TMTC2: variants seen among roughly 807,000 people sequenced by gnomAD.
The protein encoded by TMTC2 is protein O-mannosyl-transferase TMTC2.
In TMTC2, 43 loss-of-function variants were observed where a neutral mutation model predicts 82.4. That is an observed-to-expected ratio of 0.52 (90% confidence interval 0.41 to 0.67). The LOEUF is 0.67. Among genes scored for constraint, TMTC2 ranks in the 30% least tolerant of loss-of-function variants. The pLI is 0.00. For synonymous variants in TMTC2, 408 were observed against 381.9 expected, an observed-to-expected ratio of 1.07 and a Z score of -0.80; for missense variants, 919 against 1,012.4, an observed-to-expected ratio of 0.91 and a Z score of 1.25.
At chr12:83,045,727 G>GCACACACACACACACACACACA (rs71068972) in intron 9 of TMTC2, among the ~76,000 whole-genome samples, 15 of 142,450 alleles carry the variant, frequency 1.1e-4, no homozygotes, top group Non-Finnish European at 3.0e-5. Flanking sequence ...ACACACACAC[G>GCACACACACACACACACACACA]CACACACACA....
At chr12:82,776,242 T>C (rs991566253) in intron 1 of TMTC2, among the ~76,000 whole-genome samples, 1 of 152,122 alleles carries the variant, frequency 6.6e-6, no homozygotes, top group Non-Finnish European at 1.5e-5. Context: ...CTAAATGTAA[T>C]GTAGCATGAA....
chr12:83,007,421 C>G (rs573945969), intron 8 of TMTC2, among the ~76,000 whole-genome samples: 1 of 151,972 alleles, frequency 6.6e-6, no homozygotes, highest in Non-Finnish European at 1.5e-5. Flanking sequence ...TATTTCCTCT[C>G]CTAGTGTATC....
chr12:83,023,015 G>T (rs943348846), intron 8 of TMTC2, among the ~76,000 whole-genome samples: 1 of 152,146 alleles, frequency 6.6e-6, no homozygotes, highest in African/African-American at 2.4e-5. Context: ...CAACTTCTTT[G>T]TATTTAAAGG....
At chr12:82,711,926 G>T (rs557842047) in intron 1 of TMTC2, among the ~76,000 whole-genome samples, 5 of 152,314 alleles carry the variant, frequency 3.3e-5, no homozygotes. Context: ...CTCTTAGAGA[G>T]AAGTGAATTC....
intron 2 of TMTC2, among the ~76,000 whole-genome samples, chr12:82,875,052 G>A (rs1185971490): frequency 6.6e-6 from 1 of 152,136 alleles, no homozygotes; most frequent in Non-Finnish European, 1.5e-5. Context: ...GCCATATGGA[G>A]TTTACTACAA....
intron 7 of TMTC2, among the ~76,000 whole-genome samples, chr12:82,973,535 T>G (rs895730205): frequency 1.3e-5 from 2 of 152,148 alleles, no homozygotes; most frequent in African/African-American, 4.8e-5. Flanking sequence ...AAACTATAAT[T>G]TTTTCTCCTA....
chr12:83,041,545 A>C (rs1311112074), intron 9 of TMTC2, among the ~76,000 whole-genome samples: 1 of 152,194 alleles, frequency 6.6e-6, no homozygotes, highest in Non-Finnish European at 1.5e-5. Context: ...ATATGAAAAA[A>C]ATTTTGAATA....
At chr12:83,120,702 T>C (rs1156488581) in intron 11 of TMTC2, among the ~76,000 whole-genome samples, 1 of 152,230 alleles carries the variant, frequency 6.6e-6, no homozygotes, top group Non-Finnish European at 1.5e-5. Context: ...CTAGGGTCTC[T>C]AGCAAGGCCA....
chr12:82,696,906 T>A (rs1565711973), intron 1 of TMTC2, among the ~76,000 whole-genome samples: 1 of 151,378 alleles, frequency 6.6e-6, no homozygotes, highest in African/African-American at 2.4e-5. Context: ...TAGAAGCATC[T>A]CCCTAAAGGG....
intron 3 of TMTC2, 47 bp downstream of exon 3, chr12:82,896,693 C>A (rs1237527343): frequency 6.2e-6 from 9 of 1,443,448 alleles, no homozygotes; most frequent in Non-Finnish European, 6.6e-6. Flanking sequence ...ACACTTTCAG[C>A]CTCTTTATAT....
At chr12:83,001,055 T>C (rs1879897527) in intron 8 of TMTC2, among the ~76,000 whole-genome samples, 1 of 152,038 alleles carries the variant, frequency 6.6e-6, no homozygotes, top group Admixed American at 6.5e-5. Context: ...ACAAAACCAC[T>C]TTTTCCTTCT....
At chr12:82,781,033 C>T (rs1877878603) in intron 1 of TMTC2, among the ~76,000 whole-genome samples, 1 of 151,944 alleles carries the variant, frequency 6.6e-6, no homozygotes, top group African/African-American at 2.4e-5. Context: ...AAAAATGTTG[C>T]TTTTGCAGTT....
intron 1 of TMTC2, among the ~76,000 whole-genome samples, chr12:82,703,010 T>A: frequency 6.8e-6 from 1 of 146,212 alleles, no homozygotes; most frequent in Non-Finnish European, 1.5e-5. Context: ...AGATTCTGTC[T>A]CAAAATAAAT....
At chr12:83,076,480 T>C (rs1883286392) in intron 11 of TMTC2, among the ~76,000 whole-genome samples, 2 of 152,214 alleles carry the variant, frequency 1.3e-5, no homozygotes, top group South Asian at 4.1e-4. Flanking sequence ...AAAATTACAG[T>C]TAGTCTCTAC....
intron 2 of TMTC2, among the ~76,000 whole-genome samples, chr12:82,878,286 A>C (rs1872677235): frequency 6.6e-6 from 1 of 152,204 alleles, no homozygotes; most frequent in Non-Finnish European, 1.5e-5. Context: ...GTGTGAGATA[A>C]TAAGATTAAG....
At chr12:83,071,422 G>A (rs757961247) in intron 11 of TMTC2, among the ~76,000 whole-genome samples, 1 of 152,132 alleles carries the variant, frequency 6.6e-6, no homozygotes, top group Non-Finnish European at 1.5e-5. Context: ...CTCCCAAAGT[G>A]CTGGGATTAC....
chr12:82,729,657 C>A (rs1874663577), intron 1 of TMTC2, among the ~76,000 whole-genome samples: 1 of 152,152 alleles, frequency 6.6e-6, no homozygotes, highest in Admixed American at 6.5e-5. Context: ...GTAAAACAGA[C>A]CAATTGGCTC....
intron 3 of TMTC2, among the ~76,000 whole-genome samples, chr12:82,907,324 G>A (rs562380442): frequency 3.9e-5 from 6 of 151,950 alleles, no homozygotes; most frequent in South Asian, 2.1e-4. Context: ...TTAGCTGGGC[G>A]TGGTGGTGCG....
intron 11 of TMTC2, among the ~76,000 whole-genome samples, chr12:83,101,598 C>T (rs947484374): frequency 3.9e-5 from 6 of 152,076 alleles, no homozygotes; most frequent in African/African-American, 1.4e-4. Context: ...ACTGTATCAC[C>T]ATCATAATAC....
Sources: allele counts gnomAD v4.1 joint callset (sites outside exome capture counted in the v4.1 genomes callset), GRCh38; gene constraint gnomAD v4.1.1; transcripts MANE v1.5; gene names NCBI Gene and HGNC (gene_info 2026-07-23, HGNC 2026-07-21).